WARS1: variants seen among roughly 807,000 people sequenced by gnomAD.
WARS1 encodes the protein tryptophanyl-tRNA synthetase 1, also known as tryptophan--tRNA ligase, cytoplasmic.
A neutral mutation model predicts 47.8 loss-of-function variants in WARS1; 17 were observed. The observed-to-expected ratio is 0.36, with a 90% confidence interval of 0.24 to 0.53. The LOEUF (loss-of-function observed/expected upper bound fraction) is 0.53, where lower values mean the gene tolerates loss of function less well. Among genes scored for constraint, WARS1 ranks in the 20% least tolerant of loss-of-function variants. The probability of loss-of-function intolerance (pLI) is 0.91; values close to 1 mark genes in which losing one functional copy is unlikely to be tolerated. For missense variants in WARS1, 434 were observed against 608.0 expected (o/e 0.71, Z 3.01); for synonymous variants, 208 against 228.1 (o/e 0.91, Z 0.79).
chr14:100,348,313 C>T (rs771324821), intron 6 of WARS1, among the ~76,000 whole-genome samples: 14 of 152,154 alleles, frequency 9.2e-5, no homozygotes, highest in Admixed American at 3.9e-4. Flanking sequence ...TTGTGCTGGG[C>T]GAAGCACAAT....
chr14:100,337,727 G>T (rs114886958), intron 9 of WARS1, among the ~76,000 whole-genome samples: 43 of 150,730 alleles, frequency 2.9e-4, no homozygotes, highest in African/African-American at 9.0e-4. Context: ...GTGTGGTGAC[G>T]TGCGCCTGTA....
At chr14:100,347,630 G>A (rs1894713626) in intron 6 of WARS1, among the ~76,000 whole-genome samples, 2 of 152,098 alleles carry the variant, frequency 1.3e-5, no homozygotes, top group African/African-American at 2.4e-5. Flanking sequence ...AGGCTGGAGT[G>A]CAGTGGCATG....
intron 9 of WARS1, among the ~76,000 whole-genome samples, chr14:100,339,221 C>A: frequency 6.6e-6 from 1 of 152,198 alleles, no homozygotes; most frequent in South Asian, 2.1e-4. Context: ...GGGGCAAAGG[C>A]GCCTGTCTCC....
intron 4 of WARS1, among the ~76,000 whole-genome samples, chr14:100,356,382 GGT>G (rs33939310): frequency 0.35 from 40,541 of 114,850 alleles, 7,978 homozygotes; most frequent in Admixed American, 0.54. Flanking sequence ...AAAGTGACTG[GGT>G]GTGTGTGTGT....
chr14:100,366,274 C>T (rs1460518462), intron 2 of WARS1, among the ~76,000 whole-genome samples: 1 of 152,174 alleles, frequency 6.6e-6, no homozygotes, highest in African/African-American at 2.4e-5. Flanking sequence ...GGAGCTTTCT[C>T]TGGGGAATCT....
chr14:100,343,763 G>A (rs1894334544), intron 7 of WARS1, among the ~76,000 whole-genome samples: 1 of 151,882 alleles, frequency 6.6e-6, no homozygotes, highest in Admixed American at 6.6e-5. Flanking sequence ...TCAGGCTCCC[G>A]AGTAGCTGGG....
At chr14:100,368,961 CA>C in intron 2 of WARS1, 125 bp downstream of exon 2, 1 of 603,214 alleles carries the variant, frequency 1.7e-6, no homozygotes, top group South Asian at 4.4e-5. Flanking sequence ...AATTCCCTCT[CA>C]AAAAATAAAA....
At chr14:100,337,292 G>A (rs967379472) in intron 9 of WARS1, 90 bp from the exon 10 acceptor site, 2 of 1,556,392 alleles carry the variant, frequency 1.3e-6, no homozygotes, top group African/African-American at 2.7e-5. Context: ...GAAGTCAGAG[G>A]TGTGAGTGCT....
At position 100,366,252 on chromosome 14, in the gene WARS1, C is replaced by G. The variant is rs138560405; in HGVS notation, c.99+2835G>C. Among the ~76,000 whole-genome samples the G allele has an allele frequency of 4.7e-4, 72 of 152,330 alleles. No homozygotes were observed. In the East Asian group the frequency reaches 0.012, roughly 26 times the overall value. On this transcript the variant is annotated intron_variant, in intron 2 of 10. Transcript: ENST00000392882. The stretch of plus-strand genomic sequence containing the variant: ...GGCAGCGGGACTCACCCCCTCTGAA[C>G]AGTGGACTGGGGGAGCTTTCTCTGG...
chr14:100,368,453 T>C (rs1566867060), intron 2 of WARS1: 1 of 456,006 alleles, frequency 2.2e-6, no homozygotes, highest in Non-Finnish European at 4.4e-6. Context: ...CATTTCCACC[T>C]GAAAGACCCC....
intron 9 of WARS1, among the ~76,000 whole-genome samples, chr14:100,339,454 G>A (rs1324402270): frequency 1.3e-5 from 2 of 152,042 alleles, no homozygotes; most frequent in South Asian, 4.1e-4. Context: ...GCTGGGTGTG[G>A]TGGTGGGCGC....
rs774563240 is a variant in WARS1, at chr14:100,361,777, C to T, written c.244G>A (p.Glu82Lys). The change falls in exon 3 of 11, where the codon GAG becomes AAG. Residue 82 changes from glutamate (E) to lysine (K), a missense_variant. Coordinates refer to ENST00000392882, the MANE Select transcript of WARS1 (RefSeq NM_004184.4). Reference protein sequence around the residue: ...NHGPDATEAEEDFVDPWTVQT... With the variant: ...NHGPDATEAEKDFVDPWTVQT... ...ACTGTCCATGGGTCCACAAAATCCT[C>T]TTCAGCTTCTGTGGCATCTGGGCCA... is the stretch of plus-strand genomic sequence containing the variant. 1.9e-6 allele frequency: 3 copies of T among 1,614,184 alleles called. No individual in the cohort carries two copies. Among genetic ancestry groups the T allele is most frequent in the Admixed American group, 1.7e-5 (1 of 60,020 alleles).
chr14:100,366,458 G>T (rs1896001548), intron 2 of WARS1, among the ~76,000 whole-genome samples: 1 of 152,148 alleles, frequency 6.6e-6, no homozygotes, highest in Non-Finnish European at 1.5e-5. Flanking sequence ...AAATAGCCAA[G>T]AAACACCAAA....
At chr14:100,371,915 C>G (rs559598535) in intron 1 of WARS1, among the ~76,000 whole-genome samples, 4 of 152,218 alleles carry the variant, frequency 2.6e-5, no homozygotes, top group Non-Finnish European at 4.4e-5. Context: ...GTGACCGGCA[C>G]GTACACATCC....
intron 2 of WARS1, among the ~76,000 whole-genome samples, chr14:100,364,941 T>C (rs1895865063): frequency 6.6e-6 from 1 of 152,166 alleles, no homozygotes; most frequent in Non-Finnish European, 1.5e-5. Context: ...AACTTTTTTT[T>C]GACATTACTT....
chr14:100,346,802 T>A lies in WARS1; in HGVS notation c.770A>T (p.His257Leu), dbSNP rs770003315. Residue 257 changes from histidine to leucine, a missense_variant, in exon 7 of 11, where the codon CAT becomes CTT. Coordinates refer to ENST00000392882, the MANE Select transcript of WARS1 (RefSeq NM_004184.4). Reference protein sequence around the residue: ...FYKNVVKIQKHVTFNQVKGIF... With the variant: ...FYKNVVKIQKLVTFNQVKGIF... Reference sequence around the variant, plus strand: ...GCCTTTCACTTGGTTGAAGGTAACATGCTTTTGAATCTTCACCACATTTTT... The same window carrying A: ...GCCTTTCACTTGGTTGAAGGTAACAAGCTTTTGAATCTTCACCACATTTTT... 1.2e-6 allele frequency: 2 copies of A among 1,614,122 alleles called. No homozygotes were observed. Among genetic ancestry groups the A allele is most frequent in the Non-Finnish European group, 1.7e-6 (2 of 1,179,958 alleles).
intron 1 of WARS1, among the ~76,000 whole-genome samples, chr14:100,369,743 T>C (rs945100756): frequency 2.0e-5 from 3 of 151,860 alleles, no homozygotes; most frequent in Non-Finnish European, 4.4e-5. Context: ...AATGGTGTGA[T>C]CTTGGCTCAC....
chr14:100,360,503 G>A, intron 4 of WARS1, 51 bp downstream of exon 4: 2 of 1,435,708 alleles, frequency 1.4e-6, no homozygotes, highest in Non-Finnish European at 1.9e-6. Context: ...CGATTTTTTT[G>A]AACTAAAAGA....
chr14:100,367,198 A>C (rs1435518046), intron 2 of WARS1, among the ~76,000 whole-genome samples: 1 of 152,162 alleles, frequency 6.6e-6, no homozygotes, highest in Non-Finnish European at 1.5e-5. Flanking sequence ...AAAATCAGAG[A>C]AACAGTCTCT....
Sources: gnomAD v4.1 joint callset for allele counts (sites outside exome capture counted in the v4.1 genomes callset) on GRCh38, gnomAD v4.1.1 for gene constraint, MANE v1.5 for transcripts, NCBI Gene and HGNC (gene_info 2026-07-23, HGNC 2026-07-21) for gene names.